Variants in TANC2 observed in about 807,000 individuals in gnomAD.
TANC2 encodes the protein tetratricopeptide repeat, ankyrin repeat and coiled-coil containing 2.
A neutral mutation model predicts 210.5 loss-of-function variants in TANC2; 26 were observed. That is an observed-to-expected ratio of 0.12 (90% CI 0.09 to 0.17). The LOEUF is 0.17. TANC2 is among the 10% of genes least tolerant of loss of function. The pLI is 1.00. For synonymous variants in TANC2, 931 were observed against 967.1 expected (o/e 0.96, Z 0.69); for missense variants, 2,129 against 2,608.9 (o/e 0.82, Z 4.01).
At chr17:63,298,080 T>C (rs1004933693) in intron 9 of TANC2, among the ~76,000 whole-genome samples, 1 of 152,056 alleles carries the variant, frequency 6.6e-6, no homozygotes, top group African/African-American at 2.4e-5. Flanking sequence ...TTTGGAAAAA[T>C]AGGAACTCTT....
intron 2 of TANC2, among the ~76,000 whole-genome samples, chr17:63,062,062 T>C (rs1221661695): frequency 6.6e-6 from 1 of 152,196 alleles, no homozygotes; most frequent in Non-Finnish European, 1.5e-5. Flanking sequence ...TTTTGAATTG[T>C]ATATTACAGC....
intron 14 of TANC2, among the ~76,000 whole-genome samples, chr17:63,359,919 TATA>T (rs1321380961): frequency 1.3e-5 from 2 of 152,342 alleles, no homozygotes; most frequent in Admixed American, 6.5e-5. Flanking sequence ...ATTGATTGCT[TATA>T]ATAAGTGGTT....
chr17:62,983,995 G>C (rs541878484), intron 1 of TANC2, among the ~76,000 whole-genome samples: 19 of 152,002 alleles, frequency 1.2e-4, no homozygotes, highest in Non-Finnish European at 2.4e-4. Context: ...ATGAGTTAGA[G>C]AGAATTCCCT....
At chr17:63,149,634 T>G (rs1415063085) in intron 4 of TANC2, 1 of 149,140 alleles carries the variant, frequency 6.7e-6, no homozygotes, top group Admixed American at 6.7e-5. Flanking sequence ...TTTCCTATAC[T>G]AAGCAGTATT....
At chr17:63,106,112 T>C (rs1329825880) in intron 4 of TANC2, among the ~76,000 whole-genome samples, 2 of 151,664 alleles carry the variant, frequency 1.3e-5, no homozygotes, top group East Asian at 3.8e-4. Flanking sequence ...ATTAGGCTAT[T>C]GTAAAACAGT....
intron 21 of TANC2, among the ~76,000 whole-genome samples, chr17:63,408,789 A>G (rs1013313596): frequency 6.6e-5 from 10 of 152,226 alleles, no homozygotes; most frequent in African/African-American, 2.4e-4. Flanking sequence ...TTGAGCTGAC[A>G]TCCGAATCCT....
At chr17:62,968,941 C>T (rs1023540145) in intron 1 of TANC2, among the ~76,000 whole-genome samples, 1 of 152,068 alleles carries the variant, frequency 6.6e-6, no homozygotes, top group South Asian at 2.1e-4. Context: ...TTATTGTATG[C>T]AGGGGATTGG....
chr17:63,394,489 A>G (rs2048091919), intron 17 of TANC2, among the ~76,000 whole-genome samples: 1 of 152,208 alleles, frequency 6.6e-6, no homozygotes, highest in Admixed American at 6.5e-5. Context: ...GTTTTTGAAA[A>G]TACAGTTCTG....
intron 9 of TANC2, among the ~76,000 whole-genome samples, chr17:63,289,564 C>T (rs2044323457): frequency 6.6e-6 from 1 of 152,034 alleles, no homozygotes; most frequent in African/African-American, 2.4e-5. Context: ...TTAGGATTTC[C>T]ATCTCTTTGC....
chr17:63,047,463 A>G (rs1182980802), intron 2 of TANC2, among the ~76,000 whole-genome samples: 5 of 152,178 alleles, frequency 3.3e-5, no homozygotes, highest in Admixed American at 6.5e-5. Flanking sequence ...TTCAAGAGAC[A>G]TTTAGGAGAG....
At chr17:63,302,775 T>G (rs141556712) in intron 9 of TANC2, among the ~76,000 whole-genome samples, 2 of 151,978 alleles carry the variant, frequency 1.3e-5, no homozygotes, top group East Asian at 3.9e-4. Flanking sequence ...GTTTTTTGTT[T>G]TGTTTTGAGA....
chr17:63,226,637 G>C (rs747388085), intron 7 of TANC2, among the ~76,000 whole-genome samples: 20 of 152,118 alleles, frequency 1.3e-4, no homozygotes, highest in Non-Finnish European at 2.6e-4. Flanking sequence ...TACACATGCA[G>C]GATGTGCAGG....
chr17:63,235,580 A>G (rs1270440065), intron 7 of TANC2, among the ~76,000 whole-genome samples: 2 of 152,068 alleles, frequency 1.3e-5, no homozygotes, highest in Non-Finnish European at 2.9e-5. Flanking sequence ...TTGTGACAAC[A>G]AAGTCAGATT....
At chr17:63,235,480 T>C (rs1272364732) in intron 7 of TANC2, among the ~76,000 whole-genome samples, 2 of 152,078 alleles carry the variant, frequency 1.3e-5, no homozygotes. Flanking sequence ...ATCTCTCTTT[T>C]AATTCTTAAG....
At chr17:63,358,798 A>G (rs2146934108) in intron 14 of TANC2, among the ~76,000 whole-genome samples, 1 of 152,224 alleles carries the variant, frequency 6.6e-6, no homozygotes, top group East Asian at 1.9e-4. Context: ...TAAGGCTGAT[A>G]GAGTAGACAG....
intron 3 of TANC2, among the ~76,000 whole-genome samples, chr17:63,085,687 G>C (rs1296061912): frequency 6.6e-6 from 1 of 151,782 alleles, no homozygotes; most frequent in Non-Finnish European, 1.5e-5. Flanking sequence ...ATGTGTGTCT[G>C]TATGTGTGTG....
At chr17:63,355,502 C>A in intron 14 of TANC2, 112 bp downstream of exon 14, 1 of 1,210,834 alleles carries the variant, frequency 8.3e-7, no homozygotes, top group Non-Finnish European at 1.1e-6. Context: ...ATAGAAGAGA[C>A]ATCATCTGTG....
In TANC2 at chr17:63,209,581, G is replaced by A. The variant is rs200896671; in HGVS notation, c.769+8624G>A. Among the ~76,000 whole-genome samples the A allele has an allele frequency of 2.2e-4, 33 of 152,012 alleles. 1 individual carries two copies. The East Asian group carries it at 3.7e-3, about 17-fold the overall frequency. The stretch of plus-strand genomic sequence containing the variant: ...CCCGAGTGGCTGGGATTACAGGCAC[G>A]CACCACCATGCCTGTCTAATTTTTT... On this transcript the variant is annotated intron_variant, in intron 7 of 27. Transcript: ENST00000689528.
chr17:62,994,108 A>G (rs1192593867), intron 1 of TANC2, among the ~76,000 whole-genome samples: 2 of 151,690 alleles, frequency 1.3e-5, no homozygotes, highest in Non-Finnish European at 2.9e-5. Context: ...GATGCCTTTT[A>G]TTTCTTTTTC....
Sources: gnomAD v4.1 joint callset for allele counts (sites outside exome capture counted in the v4.1 genomes callset) on GRCh38, gnomAD v4.1.1 for gene constraint, MANE v1.5 for transcripts, NCBI Gene and HGNC (gene_info 2026-07-23, HGNC 2026-07-21) for gene names.